MYO1A: variants seen among roughly 807,000 people sequenced by gnomAD.
MYO1A encodes the protein myosin IA.
MYO1A carries 127 observed loss-of-function variants against 138.5 expected under a neutral mutation model. The observed-to-expected ratio is 0.92, with a 90% CI of 0.79 to 1.06. The LOEUF is 1.06. Among genes scored for constraint, MYO1A ranks in the 50% least tolerant of loss-of-function variants. The pLI, the probability that MYO1A is intolerant of heterozygous loss-of-function variation, is 0.00. For synonymous variants in MYO1A, 477 were observed against 497.5 expected (o/e 0.96, Z 0.55); for missense variants, 1,211 against 1,288.8 (o/e 0.94, Z 0.92).
intron 1 of MYO1A, among the ~76,000 whole-genome samples, chr12:57,049,086 T>C (rs1404547602): frequency 2.6e-5 from 4 of 152,332 alleles, no homozygotes; most frequent in Middle Eastern, 3.4e-3. Flanking sequence ...ATCTCTAGCT[T>C]TTACACCCAC....
chr12:57,038,884 G>C lies in MYO1A; in HGVS notation c.1458C>G (p.Val486=). Residue 486 remains valine, a synonymous_variant, in exon 16 of 28, where the codon GTC becomes GTG. Coordinates refer to ENST00000300119, the MANE Select transcript of MYO1A (RefSeq NM_005379.4). The stretch of plus-strand genomic sequence containing the variant: ...CATACTGACGCTGGGCATTCTGGGT[G>C]ACTTTGCTCTCGTAGTGGCCATGCT... The part of the protein sequence containing the change: ...FSKHGHYESK[V]TQNAQRQYDH... 1 of 1,614,194 alleles carries C rather than the reference G, an allele frequency of 6.2e-7. No individual in the cohort carries two copies. The highest frequency in any genetic ancestry group is 8.5e-7 in the Non-Finnish European group (1 of 1,180,042).
In MYO1A at chr12:57,029,556, C is replaced by T. The variant is rs1230992543; in HGVS notation, c.2756G>A (p.Gly919Asp). 6 of 1,614,038 alleles carry T rather than the reference C, an allele frequency of 3.7e-6. No homozygotes were observed. The South Asian group carries it at 5.5e-5, about 15-fold the overall frequency. The part of the protein sequence containing the change: ...TSSRILLLTK[G>D]HVILTDTKKS... ...CTTGGTGTCTGTGAGAATCACATGG[C>T]CCTTGGTCAGGAGGAGAATCCGAGA... The change falls in exon 26 of 28, where the codon GGC (glycine) becomes GAC (aspartate). Residue 919 changes from glycine to aspartate, a missense_variant. Physicochemically the swap from Gly to Asp is moderately conservative, Grantham distance 94. Coordinates refer to ENST00000300119, the MANE Select transcript of MYO1A (RefSeq NM_005379.4).
chr12:57,030,364 G>C lies in MYO1A; in HGVS notation c.2485-48C>G, dbSNP rs2030219659. ...GCTAAAATCATAGAGTGGGAGGGCA[G>C]GGCTGGGGAGGGAGGTGAGAAATAT... On this transcript the variant is annotated intron_variant, in intron 23 of 27. Coordinates refer to ENST00000300119, the MANE Select transcript of MYO1A (RefSeq NM_005379.4). 3 of 1,414,274 alleles carry C rather than the reference G, an allele frequency of 2.1e-6. No homozygotes were observed. In the African/African-American group the frequency reaches 4.2e-5, roughly 20 times the overall value. 87.6% of individuals were successfully genotyped at this position (1,414,274 alleles called of 1,614,324 possible).
intron 22 of MYO1A, among the ~76,000 whole-genome samples, chr12:57,031,724 G>A (rs1358527498): frequency 2.0e-5 from 3 of 152,218 alleles, no homozygotes; most frequent in Middle Eastern, 6.3e-3. Flanking sequence ...TAAGCTGAGG[G>A]ATCCAGACCC....
intron 23 of MYO1A, among the ~76,000 whole-genome samples, chr12:57,030,743 G>C (rs1223728751): frequency 6.6e-6 from 1 of 152,174 alleles, no homozygotes; most frequent in Non-Finnish European, 1.5e-5. Context: ...AAGATATCAG[G>C]GGCTAGGGGA....
rs1212496445 is a variant in MYO1A, at chr12:57,043,169, G to A, written c.1012-11C>T. ...CCGAGCATACTGAGCCTGTGGGTGA[G>A]GCACAGCTGATTAGGGTGGCATCAC... On this transcript the variant is annotated splice_polypyrimidine_tract_variant and intron_variant, in intron 11 of 27. Coordinates refer to ENST00000300119, the MANE Select transcript of MYO1A (RefSeq NM_005379.4). The A allele has an allele frequency of 1.2e-6, 2 of 1,614,166 alleles. No individual in the cohort carries two copies. Among genetic ancestry groups the A allele is most frequent in the East Asian group, 2.2e-5 (1 of 44,882 alleles).
In MYO1A at chr12:57,029,474, G is replaced by C; in HGVS notation, c.2838C>G (p.Thr946=). 2 of 1,614,198 alleles carry C rather than the reference G, an allele frequency of 1.2e-6. No individual in the cohort carries two copies. Among genetic ancestry groups the C allele is most frequent in the Non-Finnish European group, 8.5e-7 (1 of 1,180,048 alleles). ...AGCTAAAGAGCCCATCCTTGAGGCTGGTGACTGACACCCCAGCCACATTGT... is the reference window on the plus strand; with the variant it reads ...AGCTAAAGAGCCCATCCTTGAGGCTCGTGACTGACACCCCAGCCACATTGT... The part of the protein sequence containing the change: ...GLDNVAGVSV[T]SLKDGLFSLH... Residue 946 remains threonine (T), a synonymous_variant, in exon 26 of 28, where the codon ACC becomes ACG. Transcript: ENST00000300119.
At position 57,029,967 on chromosome 12, in the gene MYO1A, C is replaced by T. The variant is rs903925127; in HGVS notation, c.2592-95G>A. 8.3e-6 allele frequency: 13 copies of T among 1,570,068 alleles called. 1 individual carries two copies. The Middle Eastern group carries it at 5.0e-4, about 60-fold the overall frequency. ...TCCTAGTCCTCCCGGGCCCTTCCCC[C>T]ACATCCACGTATCCTCTGTCAGTGT... On this transcript the variant is annotated intron_variant, in intron 24 of 27. Transcript: ENST00000300119.
At chr12:57,047,193 T>A in intron 5 of MYO1A, 86 bp from the exon 6 acceptor site, 1 of 1,593,706 alleles carries the variant, frequency 6.3e-7, no homozygotes, top group Non-Finnish European at 8.6e-7. Flanking sequence ...CTCAGATTTT[T>A]CTGGGTCGAA....
intron 3 of MYO1A, 101 bp from the exon 4 acceptor site, chr12:57,047,822 G>A (rs1041013819): frequency 2.5e-6 from 4 of 1,568,986 alleles, no homozygotes; most frequent in East Asian, 2.4e-5. Context: ...TCTCTACTTG[G>A]AGCAGACTGG....
chr12:57,039,105 C>G, intron 15 of MYO1A, 96 bp from the exon 16 acceptor site: 2 of 1,560,236 alleles, frequency 1.3e-6, no homozygotes. Flanking sequence ...TTATCTTCTG[C>G]CCTCTTTACT....
chr12:57,037,392 A>G (rs1030004784), intron 19 of MYO1A, among the ~76,000 whole-genome samples, 156 bp downstream of exon 19: 1 of 152,118 alleles, frequency 6.6e-6, no homozygotes, highest in African/African-American at 2.4e-5. Flanking sequence ...CCAAGAGTTC[A>G]ATTCCCAGGG....
chr12:57,030,983 T>G, intron 23 of MYO1A, 57 bp downstream of exon 23: 1 of 1,601,486 alleles, frequency 6.2e-7, no homozygotes. Flanking sequence ...AAGAGGAAAA[T>G]CAGGGGGAGG....
chr12:57,029,951 TC>T (rs2030192496), intron 24 of MYO1A, 79 bp from the exon 25 acceptor site: 4 of 1,605,654 alleles, frequency 2.5e-6, no homozygotes, highest in Admixed American at 3.3e-5. Flanking sequence ...ATCCTAGTCC[TC>T]CCGGGCCCTT....
chr12:57,029,539 CTG>C lies in MYO1A; in HGVS notation c.2771_2772del (p.Thr924ArgfsTer30). The C allele has an allele frequency of 6.2e-7, 1 of 1,614,184 alleles. No individual in the cohort carries two copies. Among genetic ancestry groups the C allele is most frequent in the Non-Finnish European group, 8.5e-7 (1 of 1,179,998 alleles). On this transcript the variant is annotated frameshift_variant, in exon 26 of 28. Transcript: ENST00000300119. LOFTEE classifies it high-confidence loss of function. ...ATTTTGGCCTGGGACTTCTTGGTGT[CTG>C]TGAGAATCACATGGCCCTTGGTCAG... Reference protein sequence around the residue: ...LLLTKGHVILTDTKKSQAKIV... With the variant: ...LLLTKGHVILXDTKKSQAKIV...
intron 20 of MYO1A, 41 bp downstream of exon 20, chr12:57,036,901 C>T (rs1415285066): frequency 6.2e-7 from 1 of 1,614,158 alleles, no homozygotes; most frequent in Non-Finnish European, 8.5e-7. Flanking sequence ...TCCATCTTCC[C>T]TATTAGAGTG....
intron 10 of MYO1A, 103 bp downstream of exon 10, chr12:57,043,753 T>G (rs753073861): frequency 1.3e-6 from 2 of 1,487,616 alleles, no homozygotes; most frequent in Non-Finnish European, 9.2e-7. Flanking sequence ...TGAGTGGGAC[T>G]GCATCAGGGT....
intron 13 of MYO1A, 34 bp downstream of exon 13, chr12:57,041,398 A>G (rs371281259): frequency 9.0e-5 from 144 of 1,603,688 alleles, no homozygotes; most frequent in Middle Eastern, 5.0e-4. Flanking sequence ...CTCTAATCCT[A>G]GGGGAGCAGG....
intron 14 of MYO1A, 46 bp downstream of exon 14, chr12:57,041,138 G>T: frequency 7.1e-7 from 1 of 1,415,908 alleles, no homozygotes; most frequent in Non-Finnish European, 9.9e-7. Context: ...TCTGGCATAT[G>T]CCTAGAAGTT....
Sources: allele counts gnomAD v4.1 joint callset (sites outside exome capture counted in the v4.1 genomes callset), GRCh38; gene constraint gnomAD v4.1.1; transcripts MANE v1.5; gene names NCBI Gene and HGNC (gene_info 2026-07-23, HGNC 2026-07-21).